The following DPP6 variants were observed in gnomAD, a reference collection of about 807,000 sequenced individuals.
The protein encoded by DPP6 is A-type potassium channel modulatory protein DPP6.
In DPP6, 69 loss-of-function variants were observed where a neutral mutation model predicts 122.6. That is an observed-to-expected ratio of 0.56 (90% confidence interval 0.46 to 0.69). DPP6 has a LOEUF of 0.69. Ranked by LOEUF, DPP6 falls within the 30% of genes least tolerant of loss-of-function variation. The pLI is 0.00. For synonymous variants in DPP6, 418 were observed against 433.1 expected, an observed-to-expected ratio of 0.97 and a Z score of 0.43; for missense variants, 928 against 1,116.9, an observed-to-expected ratio of 0.83 and a Z score of 2.41.
At chr7:153,970,689 A>G (rs1279432838) in intron 1 of DPP6, among the ~76,000 whole-genome samples, 1 of 152,200 alleles carries the variant, frequency 6.6e-6, no homozygotes, top group Non-Finnish European at 1.5e-5. Context: ...GTAAAGATCA[A>G]GGATCATTTC....
intron 1 of DPP6, among the ~76,000 whole-genome samples, chr7:154,437,452 T>C (rs950308095): frequency 2.4e-4 from 37 of 152,262 alleles, no homozygotes; most frequent in African/African-American, 8.9e-4. Flanking sequence ...TAAATTAGCT[T>C]CCTCCTGTCA....
intron 1 of DPP6, among the ~76,000 whole-genome samples, chr7:154,112,432 G>A (rs535917413): frequency 1.3e-5 from 2 of 152,148 alleles, no homozygotes; most frequent in South Asian, 4.2e-4. Flanking sequence ...ATCATTTGAG[G>A]CCAGAAGTTC....
intron 3 of DPP6, among the ~76,000 whole-genome samples, chr7:154,489,871 A>C (rs948690964): frequency 1.3e-5 from 2 of 150,138 alleles, no homozygotes; most frequent in South Asian, 2.1e-4. Context: ...AAATGCAGGA[A>C]TTTCCCCAAA....
chr7:154,869,937 G>C (rs1325711421), intron 18 of DPP6, among the ~76,000 whole-genome samples: 1 of 148,938 alleles, frequency 6.7e-6, no homozygotes, highest in Non-Finnish European at 1.5e-5. Context: ...AAGGGGGCAT[G>C]AACGAAATGA....
At chr7:153,820,953 C>T in the DPP6 span, among the ~76,000 whole-genome samples, 1 of 143,170 alleles carries the variant, frequency 7.0e-6, no homozygotes, top group African/African-American at 2.5e-5. Context: ...CAGAGCTGTC[C>T]ACCACAGAAC....
At chr7:154,068,118 A>G (rs1372676569) in intron 1 of DPP6, among the ~76,000 whole-genome samples, 2 of 152,032 alleles carry the variant, frequency 1.3e-5, no homozygotes, top group Non-Finnish European at 2.9e-5. Context: ...CTTAGTTGGG[A>G]AAGGAGAGGT....
intron 5 of DPP6, among the ~76,000 whole-genome samples, chr7:154,630,413 A>G (rs943762440): frequency 6.6e-6 from 1 of 152,254 alleles, no homozygotes; most frequent in East Asian, 1.9e-4. Context: ...CTTGGTAATC[A>G]TGTTTACATG....
chr7:153,792,828 A>G, the DPP6 span, among the ~76,000 whole-genome samples: 1 of 152,076 alleles, frequency 6.6e-6, no homozygotes, highest in African/African-American at 2.4e-5. Flanking sequence ...GAGGTAACTG[A>G]ATCATGGGGG....
chr7:153,788,067 C>A, the DPP6 span, among the ~76,000 whole-genome samples: 1 of 152,218 alleles, frequency 6.6e-6, no homozygotes, highest in East Asian at 1.9e-4. Context: ...AAGAGAAATT[C>A]TAAGTTCTTC....
chr7:153,752,299 G>C, the DPP6 span, among the ~76,000 whole-genome samples: 1 of 147,974 alleles, frequency 6.8e-6, no homozygotes, highest in Non-Finnish European at 1.5e-5. Context: ...TGCCAGGCTA[G>C]AGTGCAGTGG....
intron 1 of DPP6, among the ~76,000 whole-genome samples, chr7:154,366,622 G>T (rs1812214194): frequency 6.6e-6 from 1 of 152,230 alleles, no homozygotes. Flanking sequence ...CCAAGTGATT[G>T]CAGTGTACAA....
At chr7:153,940,006 G>A (rs982452281) in intron 1 of DPP6, among the ~76,000 whole-genome samples, 21 of 152,198 alleles carry the variant, frequency 1.4e-4, no homozygotes, top group African/African-American at 5.1e-4. Flanking sequence ...TGTTTTGACT[G>A]TATGCTGGGC....
intron 3 of DPP6, among the ~76,000 whole-genome samples, chr7:154,479,418 C>T (rs1043587931): frequency 1.3e-5 from 2 of 151,856 alleles, no homozygotes; most frequent in African/African-American, 4.8e-5. Flanking sequence ...ATTAGCCAGG[C>T]GTGGTAGGGC....
chr7:154,316,711 T>C (rs1197518783), intron 1 of DPP6, among the ~76,000 whole-genome samples: 1 of 152,204 alleles, frequency 6.6e-6, no homozygotes, highest in East Asian at 1.9e-4. Context: ...AACTTTTTAA[T>C]GAGTCATTGT....
At chr7:154,107,377 A>G (rs1483978010) in intron 1 of DPP6, among the ~76,000 whole-genome samples, 1 of 152,176 alleles carries the variant, frequency 6.6e-6, no homozygotes, top group East Asian at 1.9e-4. Context: ...GTAGAATCTT[A>G]AAAAGTCAAA....
At chr7:154,016,765 C>A (rs1238768520) in intron 1 of DPP6, among the ~76,000 whole-genome samples, 1 of 144,702 alleles carries the variant, frequency 6.9e-6, no homozygotes, top group Non-Finnish European at 1.5e-5. Flanking sequence ...ATTTAATTCC[C>A]ACCAACAGTG....
rs540156393 is a variant in DPP6, at chr7:153,995,575, T to A, written c.51+107841T>A. ...CTGCAGTATGGCCCAGGTGAAAGAG[T>A]GAGACTCCGTCTCAAAAAAAAAAAA... On this transcript the variant is annotated intron_variant, in intron 1 of 25. Coordinates refer to the DPP6 transcript ENST00000404039. 2.0e-4 allele frequency among the ~76,000 whole-genome samples: 20 copies of A among 101,120 alleles called. No homozygotes were observed. In the Admixed American group the frequency reaches 2.9e-3, roughly 15 times the overall value. 66.3% of individuals were successfully genotyped at this position (101,120 alleles called of 152,430 possible).
At chr7:153,972,388 A>G (rs1037393358) in intron 1 of DPP6, among the ~76,000 whole-genome samples, 4 of 152,034 alleles carry the variant, frequency 2.6e-5, no homozygotes, top group Non-Finnish European at 5.9e-5. Context: ...TGTGAAAGCT[A>G]TGCTTGGGAA....
chr7:153,938,873 T>C (rs1237132573), intron 1 of DPP6, among the ~76,000 whole-genome samples: 4 of 152,232 alleles, frequency 2.6e-5, no homozygotes, highest in Admixed American at 2.6e-4. Flanking sequence ...CTCATCAGTG[T>C]GGTGGTGGTT....
Sources: allele counts gnomAD v4.1 joint callset (sites outside exome capture counted in the v4.1 genomes callset), GRCh38; gene constraint gnomAD v4.1.1; transcripts MANE v1.5; gene names NCBI Gene and HGNC (gene_info 2026-07-23, HGNC 2026-07-21).